The following TANC2 variants were observed in gnomAD, a reference collection of about 807,000 sequenced individuals.
The protein encoded by TANC2 is tetratricopeptide repeat, ankyrin repeat and coiled-coil containing 2, also known as protein TANC2.
TANC2 carries 26 observed loss-of-function variants against 210.5 expected under a neutral mutation model. That is an observed-to-expected ratio of 0.12 (90% CI 0.09 to 0.17). The LOEUF (loss-of-function observed/expected upper bound fraction) is 0.17. Among genes scored for constraint, TANC2 ranks in the 10% least tolerant of loss-of-function variants. The probability of loss-of-function intolerance (pLI) is 1.00; values close to 1 mark genes in which losing one functional copy is unlikely to be tolerated. For missense variants in TANC2, 2,129 were observed against 2,608.9 expected (o/e 0.82, Z 4.01); for synonymous variants, 931 against 967.1 (o/e 0.96, Z 0.69).
intron 14 of TANC2, among the ~76,000 whole-genome samples, chr17:63,359,567 C>G (rs573567606): frequency 6.6e-6 from 1 of 152,202 alleles, no homozygotes; most frequent in South Asian, 2.1e-4. Flanking sequence ...AGGCTGGTCT[C>G]GTACTCCTGA....
intron 1 of TANC2, among the ~76,000 whole-genome samples, chr17:62,973,636 C>G (rs894132635): frequency 6.6e-6 from 1 of 152,118 alleles, no homozygotes; most frequent in South Asian, 2.1e-4. Flanking sequence ...TAAAGATAAA[C>G]CAGATTTTGT....
At chr17:63,200,355 CAAAAA>C (rs10598629) in intron 6 of TANC2, among the ~76,000 whole-genome samples, 33 of 93,772 alleles carry the variant, frequency 3.5e-4, no homozygotes, top group Non-Finnish European at 6.2e-4. Flanking sequence ...AACTCTGTCT[CAAAAA>C]AAAAAAAAAA....
chr17:63,059,874 C>T (rs1035823473), intron 2 of TANC2, among the ~76,000 whole-genome samples: 6 of 152,100 alleles, frequency 3.9e-5, no homozygotes, highest in South Asian at 2.1e-4. Context: ...TTAAGAAGTC[C>T]GGGTTTCTTT....
At chr17:63,340,056 C>G in intron 11 of TANC2, 45 bp from the exon 12 acceptor site, 1 of 1,408,250 alleles carries the variant, frequency 7.1e-7, no homozygotes, top group Non-Finnish European at 1.0e-6. Context: ...AGCTATTGCT[C>G]TTACTACTGA....
chr17:63,073,835 A>T, intron 2 of TANC2, 108 bp from the exon 3 acceptor site: 2 of 940,164 alleles, frequency 2.1e-6, no homozygotes, highest in South Asian at 3.6e-5. Context: ...GATTATAGGA[A>T]ATACAAATAA....
chr17:63,222,646 T>A (rs2042224007), intron 7 of TANC2, among the ~76,000 whole-genome samples: 1 of 152,044 alleles, frequency 6.6e-6, no homozygotes, highest in African/African-American at 2.4e-5. Flanking sequence ...CTGGATACAT[T>A]TGTCAAAACT....
At chr17:63,184,116 C>G (rs2040891309) in intron 5 of TANC2, among the ~76,000 whole-genome samples, 1 of 151,908 alleles carries the variant, frequency 6.6e-6, no homozygotes, top group African/African-American at 2.4e-5. Flanking sequence ...TAAAACATAA[C>G]ATATTTCATA....
At chr17:63,394,923 A>G (rs1400525433) in intron 17 of TANC2, among the ~76,000 whole-genome samples, 2 of 152,216 alleles carry the variant, frequency 1.3e-5, no homozygotes, top group Admixed American at 1.3e-4. Context: ...CTCTGTATTC[A>G]GTAAATATTC....
intron 7 of TANC2, among the ~76,000 whole-genome samples, chr17:63,213,374 A>G (rs2041941083): frequency 6.6e-6 from 1 of 152,208 alleles, no homozygotes; most frequent in South Asian, 2.1e-4. Context: ...GTCCTCTGGG[A>G]AGCAGGAGCT....
At chr17:63,381,160 G>T (rs1269747968) in intron 15 of TANC2, 1 of 152,168 alleles carries the variant, frequency 6.6e-6, no homozygotes, top group Non-Finnish European at 1.5e-5. Context: ...CAGAGAAGTA[G>T]CATGAAGCTT....
At chr17:63,334,002 A>G (rs1363088287) in intron 11 of TANC2, 1 of 152,236 alleles carries the variant, frequency 6.6e-6, no homozygotes, top group Non-Finnish European at 1.5e-5. Context: ...GCACAGGGAA[A>G]TCAAAAAAAT....
chr17:63,153,291 A>G (rs2039720274), intron 5 of TANC2: 2 of 152,184 alleles, frequency 1.3e-5, no homozygotes, highest in Non-Finnish European at 2.9e-5. Flanking sequence ...AGGATATACT[A>G]ACACCACTGA....
chr17:63,426,448 C>G (rs1208354757), exon 28 of TANC2: 1 of 152,224 alleles, frequency 6.6e-6, no homozygotes, highest in African/African-American at 2.4e-5. Flanking sequence ...CTTGAATAAT[C>G]ACTGGGTTTT....
At chr17:63,126,598 G>A (rs984027015) in intron 4 of TANC2, among the ~76,000 whole-genome samples, 1 of 151,996 alleles carries the variant, frequency 6.6e-6, no homozygotes, top group African/African-American at 2.4e-5. Flanking sequence ...TAATAGAGAT[G>A]GAGTTTCACT....
chr17:63,236,960 G>T (rs923132835), intron 7 of TANC2, among the ~76,000 whole-genome samples: 1 of 152,148 alleles, frequency 6.6e-6, no homozygotes, highest in Non-Finnish European at 1.5e-5. Context: ...ACATGCAAGT[G>T]CAGATATCTT....
intron 5 of TANC2, among the ~76,000 whole-genome samples, chr17:63,180,628 A>G (rs776970109): frequency 1.4e-4 from 21 of 152,194 alleles, no homozygotes; most frequent in Non-Finnish European, 2.4e-4. Flanking sequence ...ATTATATTCA[A>G]ATCTGATTGT....
chr17:63,204,876 G>A (rs2041649868), intron 7 of TANC2, among the ~76,000 whole-genome samples: 1 of 152,274 alleles, frequency 6.6e-6, no homozygotes, highest in African/African-American at 2.4e-5. Context: ...GTTGAGGTCA[G>A]GAGTTTGAGA....
chr17:63,213,114 C>G (rs1457728311), intron 7 of TANC2, among the ~76,000 whole-genome samples: 2 of 152,126 alleles, frequency 1.3e-5, no homozygotes, highest in Non-Finnish European at 2.9e-5. Context: ...AATAGTGAAA[C>G]CCATTACTAC....
chr17:63,020,478 T>A (rs1453842272), intron 2 of TANC2, among the ~76,000 whole-genome samples: 1 of 152,056 alleles, frequency 6.6e-6, no homozygotes, highest in Non-Finnish European at 1.5e-5. Flanking sequence ...TAATTTAAAA[T>A]TTTTTTTATA....
Sources: gnomAD v4.1 joint callset for allele counts (sites outside exome capture counted in the v4.1 genomes callset) on GRCh38, gnomAD v4.1.1 for gene constraint, MANE v1.5 for transcripts, NCBI Gene and HGNC (gene_info 2026-07-23, HGNC 2026-07-21) for gene names.